KIF2C: variants seen among roughly 807,000 people sequenced by gnomAD.
KIF2C encodes the protein kinesin family member 2C, also known as kinesin-like protein KIF2C.
A neutral mutation model predicts 97.4 loss-of-function variants in KIF2C; 34 were observed. The ratio of observed to expected loss-of-function variants is 0.35; its 90% CI spans 0.27 to 0.46. The LOEUF (loss-of-function observed/expected upper bound fraction) is 0.46. Among genes scored for constraint, KIF2C ranks in the 20% least tolerant of loss-of-function variants. The pLI, the probability that KIF2C is intolerant of heterozygous loss-of-function variation, is 1.00. For synonymous variants in KIF2C, 313 were observed against 318.2 expected (o/e 0.98, Z 0.17); for missense variants, 750 against 907.6 (o/e 0.83, Z 2.23).
intron 8 of KIF2C, 109 bp downstream of exon 8, chr1:44,754,954 TTTA>T (rs1259528268): frequency 1.3e-5 from 9 of 674,222 alleles, no homozygotes; most frequent in Admixed American, 5.7e-5. Context: ...CTTTGAGGGT[TTTA>T]TTATTATTTT....
In KIF2C at chr1:44,760,805, C is replaced by T; in HGVS notation, c.1683+103C>T. On this transcript the variant is annotated intron_variant, in intron 16 of 20. Transcript: ENST00000372224. This position sits in a 1 kb window ranked among gnomAD's most constrained non-coding sequence, Gnocchi z 4.2. ...TGGGCTGGAAGCTCAGCACTGCTGG[C>T]TGCCTGGGTTTCCAGGCTGTACCGT... 1.1e-6 allele frequency: 1 copy of T among 933,232 alleles called. No individual in the cohort carries two copies. Among genetic ancestry groups the T allele is most frequent in the African/African-American group, 1.6e-5 (1 of 61,652 alleles). 57.8% of individuals were successfully genotyped at this position (933,232 alleles called of 1,614,324 possible).
intron 11 of KIF2C, 72 bp downstream of exon 11, chr1:44,757,718 T>C: frequency 8.4e-7 from 1 of 1,195,412 alleles, no homozygotes; most frequent in Admixed American, 1.7e-5. Flanking sequence ...AGGGAGACAA[T>C]GAGTTTGTTG....
At chr1:44,744,653 C>G (rs948403119) in intron 2 of KIF2C, among the ~76,000 whole-genome samples, 8 of 152,176 alleles carry the variant, frequency 5.3e-5, no homozygotes, top group Admixed American at 2.6e-4. Context: ...GTAATCCCAG[C>G]ACTCTGGGAA....
chr1:44,756,068 T>C lies in KIF2C; in HGVS notation c.815-7T>C. 6.2e-7 allele frequency: 1 copy of C among 1,614,188 alleles called. No individual in the cohort carries two copies. Among genetic ancestry groups the C allele is most frequent in the Non-Finnish European group, 8.5e-7 (1 of 1,180,032 alleles). Reference sequence around the variant, plus strand: ...GGAGCACCCCCTGAAATACTCTCCTTCTGCAGAATTGGCCAAGAAAGAAAT... The same window carrying C: ...GGAGCACCCCCTGAAATACTCTCCTCCTGCAGAATTGGCCAAGAAAGAAAT... On this transcript the variant is annotated splice_region_variant and splice_polypyrimidine_tract_variant and intron_variant, in intron 9 of 20. Coordinates refer to ENST00000372224, the MANE Select transcript of KIF2C (RefSeq NM_006845.4).
At chr1:44,755,882 T>C (rs1434685005) in intron 8 of KIF2C, 47 bp from the exon 9 acceptor site, 1 of 1,595,018 alleles carries the variant, frequency 6.3e-7, no homozygotes, top group Admixed American at 1.7e-5. Flanking sequence ...GCTTTTGAAA[T>C]TGCTCTGACC....
Position 44,759,225 on chromosome 1 carries a change from A to G in KIF2C, c.1244A>G (p.Lys415Arg), listed in dbSNP as rs866002620. ...YNGKLFDLLNKKAKLRVLEDG... is the reference protein window; with the variant it reads ...YNGKLFDLLNRKAKLRVLEDG... ...GCACAGCTGTTTGACCTGCTCAACA[A>G]GAAGGCCAAGCTGCGCGTGCTGGAG... Residue 415 changes from lysine to arginine, a missense_variant, in exon 14 of 21, where the codon AAG becomes AGG. Physicochemically the swap from Lys to Arg is conservative, Grantham distance 26. Transcript: ENST00000372224. 2.5e-6 allele frequency: 4 copies of G among 1,614,120 alleles called. No individual in the cohort carries two copies. In the Middle Eastern group the frequency reaches 6.6e-4, roughly 267 times the overall value.
intron 2 of KIF2C, among the ~76,000 whole-genome samples, chr1:44,741,555 C>T (rs1557587308): frequency 6.6e-6 from 1 of 152,002 alleles, no homozygotes; most frequent in African/African-American, 2.4e-5. Flanking sequence ...TGTGGTGGCT[C>T]ACGCCTGTGG....
Position 44,740,005 on chromosome 1 carries a change from G to A in KIF2C, c.70+3G>A, listed in dbSNP as rs1469105947. 4.3e-6 allele frequency: 7 copies of A among 1,614,120 alleles called. No homozygotes were observed. The Admixed American group carries it at 6.7e-5, about 15-fold the overall frequency. ...TATCAAGATCCAACGCAGTAATGGT[G>A]AGGAGCGGGGTCCCTAGGTCAAGGG... On this transcript the variant is annotated splice_donor_region_variant and intron_variant, in intron 1 of 20. Transcript: ENST00000372224.
chr1:44,756,524 C>T (rs1649842961), intron 10 of KIF2C, among the ~76,000 whole-genome samples: 1 of 147,556 alleles, frequency 6.8e-6, no homozygotes, highest in African/African-American at 2.5e-5. Flanking sequence ...ATTTGGGGAA[C>T]TCCAGATCTG....
At chr1:44,759,085 G>C in intron 13 of KIF2C, 121 bp from the exon 14 acceptor site, 4 of 1,280,202 alleles carry the variant, frequency 3.1e-6, no homozygotes, top group Non-Finnish European at 4.4e-6. Context: ...CCATCAGTTC[G>C]TATTCTCTGC....
rs1414403100 is a variant in KIF2C at position 44,762,432 on chromosome 1, G to T, written c.1838G>T (p.Gly613Val). Reference protein sequence around the residue: ...ETEEMEACSNGALIPGNLSKE... With the variant: ...ETEEMEACSNVALIPGNLSKE... The stretch of plus-strand genomic sequence containing the variant: ...GAAGAGATGGAAGCCTGCTCTAACG[G>T]GGCGCTGATTCCAGGCAATGTAAGG... Residue 613 changes from glycine (G) to valine (V), a missense_variant, in exon 18 of 21, where the codon GGG (glycine) becomes GTG (valine). By Grantham distance (109) the Gly-to-Val change is moderately radical. Transcript: ENST00000372224. 5.6e-6 allele frequency: 9 copies of T among 1,614,130 alleles called. No individual in the cohort carries two copies. The highest frequency in any genetic ancestry group is 7.6e-6 in the Non-Finnish European group (9 of 1,179,978).
At chr1:44,762,260 C>T (rs763531910) in intron 17 of KIF2C, 86 bp from the exon 18 acceptor site, 2 of 1,264,032 alleles carry the variant, frequency 1.6e-6, no homozygotes. Context: ...CTTGGAGCCT[C>T]AAGCCTCGAA....
intron 13 of KIF2C, among the ~76,000 whole-genome samples, chr1:44,758,445 T>C (rs867011862): frequency 1.3e-5 from 2 of 152,146 alleles, no homozygotes; most frequent in Non-Finnish European, 2.9e-5. Context: ...GCACGTTCAG[T>C]CTCATATTCA....
intron 19 of KIF2C, 91 bp from the exon 20 acceptor site, chr1:44,766,735 C>T: frequency 1.4e-6 from 2 of 1,407,468 alleles, no homozygotes; most frequent in South Asian, 2.6e-5. Flanking sequence ...GGTAAAGCAT[C>T]TTACTCAGGT....
rs986040069 is a variant in KIF2C at position 44,753,752 on chromosome 1, T to C, written c.582T>C (p.Leu194=). 1.9e-6 allele frequency: 3 copies of C among 1,608,332 alleles called. No homozygotes were observed. Among genetic ancestry groups the C allele is most frequent in the African/African-American group, 2.7e-5 (2 of 74,348 alleles). ...TCATAGTTCGGAGGAAATCATGTCT[T>C]GTGAAGGAAGTGGAAAAAATGAAGA... ...PVNSVRRKSC[L]VKEVEKMKNK... The change falls in exon 7 of 21, where the codon CTT becomes CTC. Residue 194 remains leucine (L), a synonymous_variant. Coordinates refer to ENST00000372224, the MANE Select transcript of KIF2C (RefSeq NM_006845.4).
At chr1:44,740,072 C>T (rs981048413) in intron 1 of KIF2C, 70 bp downstream of exon 1, 2 of 1,542,666 alleles carry the variant, frequency 1.3e-6, no homozygotes, top group African/African-American at 1.4e-5. Flanking sequence ...TGCCCGTCCC[C>T]GGACACACAG....
At position 44,750,576 on chromosome 1, in the gene KIF2C, A is replaced by T; in HGVS notation, c.439+12A>T. ...GTTTTCAGTTCCTCGTGAGTAACGA[A>T]TGTGCCCCCAACCACCATGTTTGAG... On this transcript the variant is annotated intron_variant, in intron 5 of 20. Transcript: ENST00000372224. The T allele has an allele frequency of 6.6e-7, 1 of 1,521,638 alleles. No individual in the cohort carries two copies. The highest frequency in any genetic ancestry group is 8.9e-7 in the Non-Finnish European group (1 of 1,126,430). 94.3% of individuals were successfully genotyped at this position (1,521,638 alleles called of 1,614,324 possible).
chr1:44,745,205 C>T (rs911602962), intron 2 of KIF2C, among the ~76,000 whole-genome samples: 1 of 149,600 alleles, frequency 6.7e-6, no homozygotes, highest in Non-Finnish European at 1.5e-5. Flanking sequence ...AAAAAAAAAA[C>T]CTCTGGTTTT....
intron 2 of KIF2C, chr1:44,746,286 T>C (rs1649192348): frequency 2.5e-6 from 2 of 809,758 alleles, no homozygotes; most frequent in Non-Finnish European, 3.0e-6. Context: ...TCTGAACCTG[T>C]TGTAAAGCTA....
Sources: allele counts gnomAD v4.1 joint callset (sites outside exome capture counted in the v4.1 genomes callset), GRCh38; gene constraint gnomAD v4.1.1; non-coding constraint Gnocchi (gnomAD v3.1); transcripts MANE v1.5; gene names NCBI Gene and HGNC (gene_info 2026-07-23, HGNC 2026-07-21).